The following MACROD2 variants were observed in gnomAD, a reference collection of about 807,000 sequenced individuals.
MACROD2 encodes the protein mono-ADP ribosylhydrolase 2, also known as ADP-ribose glycohydrolase MACROD2.
A neutral mutation model predicts 70.4 loss-of-function variants in MACROD2; 36 were observed. That is an observed-to-expected ratio of 0.51 (90% confidence interval 0.39 to 0.68). The LOEUF is 0.68. Ranked by LOEUF, MACROD2 falls within the 30% of genes least tolerant of loss-of-function variation. The pLI is 0.00. For synonymous variants in MACROD2, 172 were observed against 178.8 expected (o/e 0.96, Z 0.30); for missense variants, 496 against 538.4 (o/e 0.92, Z 0.78).
intron 8 of MACROD2, among the ~76,000 whole-genome samples, chr20:15,725,634 G>C (rs1029277240): frequency 6.6e-6 from 1 of 152,086 alleles, no homozygotes; most frequent in Admixed American, 6.6e-5. Flanking sequence ...GCAGTGGTAA[G>C]AGGGAATATT....
In MACROD2 at chr20:14,381,153, G is replaced by A. The variant is rs149742932; in HGVS notation, c.272-112326G>A. 1.7e-3 allele frequency among the ~76,000 whole-genome samples: 266 copies of A among 152,136 alleles called. 1 individual carries two copies. The highest frequency in any genetic ancestry group is 6.1e-3 in the African/African-American group (254 of 41,536). On this transcript the variant is annotated intron_variant, in intron 3 of 17. Coordinates refer to ENST00000684519, the MANE Select transcript of MACROD2 (RefSeq NM_001351661.2). The stretch of plus-strand genomic sequence containing the variant: ...TTTGGAACAGAGACTGATCTGGATT[G>A]ATATAAGGTTATTTTGCCTTTTAAA...
intron 3 of MACROD2, among the ~76,000 whole-genome samples, chr20:14,491,907 A>T (rs1228273238): frequency 6.6e-6 from 1 of 152,212 alleles, no homozygotes; most frequent in Non-Finnish European, 1.5e-5. Context: ...ATATGAAAAT[A>T]AAAAATCAGC....
intron 6 of MACROD2, among the ~76,000 whole-genome samples, chr20:15,415,065 G>T (rs920254082): frequency 5.9e-5 from 9 of 152,260 alleles, no homozygotes; most frequent in African/African-American, 1.7e-4. Context: ...AGCCATGTAT[G>T]GTGCATGCGG....
intron 3 of MACROD2, among the ~76,000 whole-genome samples, chr20:14,430,151 A>G (rs1255448920): frequency 6.6e-6 from 1 of 152,170 alleles, no homozygotes; most frequent in Non-Finnish European, 1.5e-5. Flanking sequence ...TAACTAGACT[A>G]TCAGGTTTAT....
At chr20:15,503,358 C>T (rs1480366360) in intron 8 of MACROD2, among the ~76,000 whole-genome samples, 1 of 152,014 alleles carries the variant, frequency 6.6e-6, no homozygotes, top group African/African-American at 2.4e-5. Flanking sequence ...GCTCTTGGAG[C>T]CTAAAGCTCA....
intron 3 of MACROD2, among the ~76,000 whole-genome samples, chr20:14,336,550 A>T (rs1278356416): frequency 6.6e-6 from 1 of 152,186 alleles, no homozygotes; most frequent in Admixed American, 6.5e-5. Context: ...TCCTATTATA[A>T]GTTGCAAAGA....
At chr20:15,772,889 C>A (rs922665437) in intron 8 of MACROD2, among the ~76,000 whole-genome samples, 2 of 152,008 alleles carry the variant, frequency 1.3e-5, no homozygotes, top group Non-Finnish European at 2.9e-5. Flanking sequence ...ACAGATATTT[C>A]TTTCCTGGAA....
intron 3 of MACROD2, among the ~76,000 whole-genome samples, chr20:14,181,846 A>C (rs1189349038): frequency 2.0e-5 from 3 of 152,190 alleles, no homozygotes; most frequent in East Asian, 1.9e-4. Context: ...GCCAAATACT[A>C]TTCTATTATA....
chr20:15,078,041 A>T (rs951630292), intron 5 of MACROD2, among the ~76,000 whole-genome samples: 1 of 152,218 alleles, frequency 6.6e-6, no homozygotes, highest in Middle Eastern at 3.4e-3. Flanking sequence ...GAGTGTTTAT[A>T]TGCCTTGGTT....
At chr20:14,694,141 C>G (rs1009520241) in intron 5 of MACROD2, among the ~76,000 whole-genome samples, 12 of 152,154 alleles carry the variant, frequency 7.9e-5, no homozygotes, top group African/African-American at 2.7e-4. Flanking sequence ...AAAAGATCCC[C>G]TTACCAGATG....
chr20:15,280,069 T>A (rs1000958505), intron 6 of MACROD2, among the ~76,000 whole-genome samples: 4 of 152,234 alleles, frequency 2.6e-5, no homozygotes, highest in Non-Finnish European at 4.4e-5. Flanking sequence ...GAATTATATT[T>A]GTAAAACTAA....
At chr20:15,515,586 A>C (rs537142975) in intron 8 of MACROD2, among the ~76,000 whole-genome samples, 9 of 152,370 alleles carry the variant, frequency 5.9e-5, no homozygotes, top group African/African-American at 2.2e-4. Flanking sequence ...AAATTCATCC[A>C]TGCATTGTTT....
intron 4 of MACROD2, among the ~76,000 whole-genome samples, chr20:14,524,325 G>A (rs185686624): frequency 3.9e-5 from 6 of 152,184 alleles, no homozygotes; most frequent in African/African-American, 9.6e-5. Flanking sequence ...TGTCCTTTCC[G>A]ATATAATTAT....
At chr20:15,795,015 C>T (rs932816722) in intron 8 of MACROD2, among the ~76,000 whole-genome samples, 8 of 152,024 alleles carry the variant, frequency 5.3e-5, no homozygotes, top group African/African-American at 7.2e-5. Context: ...AAGCATTTGA[C>T]GGAGCATATC....
intron 9 of MACROD2, among the ~76,000 whole-genome samples, chr20:15,877,881 G>C (rs2064697887): frequency 6.6e-6 from 1 of 152,086 alleles, no homozygotes; most frequent in Non-Finnish European, 1.5e-5. Context: ...TGTTCTCCTT[G>C]ACAGACCTGC....
intron 8 of MACROD2, among the ~76,000 whole-genome samples, chr20:15,705,687 C>T: frequency 6.6e-6 from 1 of 152,154 alleles, no homozygotes; most frequent in East Asian, 1.9e-4. Context: ...AGATTACAGG[C>T]ACGAGCCATG....
chr20:14,496,038 G>A (rs1233231422), intron 4 of MACROD2, among the ~76,000 whole-genome samples: 1 of 152,074 alleles, frequency 6.6e-6, no homozygotes, highest in African/African-American at 2.4e-5. Context: ...TTAAATTTAA[G>A]GAATATTTTT....
chr20:15,194,851 C>T (rs1358502156), intron 5 of MACROD2, among the ~76,000 whole-genome samples: 2 of 152,124 alleles, frequency 1.3e-5, no homozygotes, highest in Non-Finnish European at 2.9e-5. Flanking sequence ...CATGTTCTTC[C>T]AGCCTCGTGG....
rs1238574941 is a variant in MACROD2, at chr20:15,253,861, G to C, written c.540+23800G>C. Among the ~76,000 whole-genome samples, 6 of 152,140 alleles carry C rather than the reference G, an allele frequency of 3.9e-5. No homozygotes were observed. In the South Asian group the frequency reaches 8.3e-4, roughly 21 times the overall value. ...GTCACCGAAGCAAAATCTGTAACAG[G>C]GTGGATTTCAAAAATTATTTTTTAT... On this transcript the variant is annotated intron_variant, in intron 6 of 17. Transcript: ENST00000684519.
Sources: allele counts gnomAD v4.1 joint callset (sites outside exome capture counted in the v4.1 genomes callset), GRCh38; gene constraint gnomAD v4.1.1; transcripts MANE v1.5; gene names NCBI Gene and HGNC (gene_info 2026-07-23, HGNC 2026-07-21).